CFAP54: variants seen among roughly 807,000 people sequenced by gnomAD.
The protein encoded by CFAP54 is cilia and flagella associated protein 54.
Under a neutral mutation model 370.4 loss-of-function variants are expected in CFAP54, and 290 were observed. The observed-to-expected ratio is 0.78, with a 90% CI of 0.71 to 0.86. The LOEUF is 0.86. Ranked by LOEUF, CFAP54 falls within the 40% of genes least tolerant of loss-of-function variation. The pLI, the probability that CFAP54 is intolerant of heterozygous loss-of-function variation, is 0.00. For synonymous variants in CFAP54, 1,206 were observed against 1,236.5 expected (o/e 0.98, Z 0.52); for missense variants, 3,399 against 3,528.7 (o/e 0.96, Z 0.93).
At chr12:96,699,273 C>T (rs1290927832) in intron 45 of CFAP54, among the ~76,000 whole-genome samples, 5 of 152,206 alleles carry the variant, frequency 3.3e-5, no homozygotes, top group African/African-American at 7.2e-5. Flanking sequence ...GGAGTAACCT[C>T]TGGTCCTTTT....
intron 63 of CFAP54, among the ~76,000 whole-genome samples, chr12:96,795,788 C>T (rs956060363): frequency 2.3e-4 from 35 of 152,248 alleles, no homozygotes; most frequent in African/African-American, 8.2e-4. Flanking sequence ...CATTTGCCCC[C>T]TCCTCCAGAT....
chr12:96,825,730 T>C (rs1221369995), intron 65 of CFAP54, among the ~76,000 whole-genome samples: 5 of 125,330 alleles, frequency 4.0e-5, no homozygotes, highest in East Asian at 2.3e-4. Context: ...TAATATATTA[T>C]ATAAATATCA....
At chr12:96,638,213 G>A (rs1310931388) in intron 32 of CFAP54, among the ~76,000 whole-genome samples, 1 of 86,828 alleles carries the variant, frequency 1.2e-5, no homozygotes, top group African/African-American at 4.1e-5. Flanking sequence ...GCATGTGTGT[G>A]TGTGTGTGTG....
chr12:96,831,778 C>T (rs905698682), intron 66 of CFAP54, among the ~76,000 whole-genome samples: 3 of 152,128 alleles, frequency 2.0e-5, no homozygotes, highest in Non-Finnish European at 2.9e-5. Flanking sequence ...GTCACTGGTT[C>T]TTGAGTTGAA....
chr12:96,799,547 C>T lies in CFAP54; in HGVS notation c.8850+7048C>T, dbSNP rs535446662. Among the ~76,000 whole-genome samples the T allele has an allele frequency of 5.3e-5, 8 of 152,306 alleles. No individual in the cohort carries two copies. The South Asian group carries it at 1.7e-3, about 32-fold the overall frequency. On this transcript the variant is annotated intron_variant, in intron 63 of 67. Transcript: ENST00000524981. ...CCAGCACCATTTCTCACTTTGGCCC[C>T]TTCATTCTGCTACCTTAGGCTGGAA...
intron 45 of CFAP54, among the ~76,000 whole-genome samples, chr12:96,694,409 T>A (rs899551928): frequency 5.3e-5 from 8 of 152,046 alleles, no homozygotes; most frequent in African/African-American, 1.9e-4. Flanking sequence ...ACGTGGATAA[T>A]CTCAATATCC....
At chr12:96,517,475 G>A (rs989096545) in intron 5 of CFAP54, among the ~76,000 whole-genome samples, 8 of 152,164 alleles carry the variant, frequency 5.3e-5, no homozygotes, top group African/African-American at 1.9e-4. Context: ...TGAATTTAAA[G>A]GGGAAATTTA....
chr12:96,733,840 C>G (rs530874318), intron 50 of CFAP54, among the ~76,000 whole-genome samples: 1 of 152,210 alleles, frequency 6.6e-6, no homozygotes, highest in South Asian at 2.1e-4. Context: ...AAACCTCATA[C>G]CTTGTTTCTC....
intron 36 of CFAP54, 129 bp downstream of exon 36, chr12:96,651,944 A>G: frequency 1.5e-6 from 1 of 649,668 alleles, no homozygotes. Flanking sequence ...TTTGCTTCTC[A>G]TTATAATTTT....
At chr12:96,547,064 T>A (rs978889117) in intron 14 of CFAP54, among the ~76,000 whole-genome samples, 1 of 152,222 alleles carries the variant, frequency 6.6e-6, no homozygotes, top group Non-Finnish European at 1.5e-5. Context: ...ATATAAATTC[T>A]TATAACTTCT....
intron 63 of CFAP54, among the ~76,000 whole-genome samples, chr12:96,808,743 T>G (rs1219538127): frequency 6.6e-6 from 1 of 152,140 alleles, no homozygotes; most frequent in Non-Finnish European, 1.5e-5. Context: ...CTATAAAAAA[T>G]GCAGACCAGA....
intron 32 of CFAP54, among the ~76,000 whole-genome samples, chr12:96,638,815 A>G (rs528589793): frequency 1.3e-5 from 2 of 152,204 alleles, no homozygotes; most frequent in African/African-American, 4.8e-5. Flanking sequence ...CCATCAATAC[A>G]GTGCTAAAAC....
At chr12:96,503,652 C>T (rs1230891323) in intron 2 of CFAP54, among the ~76,000 whole-genome samples, 1 of 152,082 alleles carries the variant, frequency 6.6e-6, no homozygotes, top group African/African-American at 2.4e-5. Flanking sequence ...TCCTTGTGGT[C>T]ATGATGGTCC....
Position 96,685,182 on chromosome 12 carries a change from A to G in CFAP54, c.5958A>G (p.Ser1986=), listed in dbSNP as rs1482239842. The stretch of plus-strand genomic sequence containing the variant: ...AAGACTACAGTGAGGAGTTTCTGTC[A>G]AGAGTTGGCATCTGGGGGTGTTTGC... ...GFKDYSEEFL[S]RVGIWGCLQG... is the part of the protein sequence containing the mutation. Residue 1986 remains serine (S), a synonymous_variant, in exon 42 of 68, where the codon TCA becomes TCG. Coordinates refer to ENST00000524981, the MANE Select transcript of CFAP54 (RefSeq NM_001306084.2). The G allele has an allele frequency of 1.2e-6, 2 of 1,614,130 alleles. No individual in the cohort carries two copies. The highest frequency in any genetic ancestry group is 1.7e-6 in the Non-Finnish European group (2 of 1,180,012).
rs1302981015 is a variant in CFAP54 at position 96,592,638 on chromosome 12, G to A, written c.3360+1G>A. 12 of 1,084,228 alleles carry A rather than the reference G, an allele frequency of 1.1e-5. No individual in the cohort carries two copies. The highest frequency in any genetic ancestry group is 2.1e-5 in the South Asian group (1 of 46,992). The allele number at this position is 1,084,228 out of a possible 1,614,324, so 67.2% of individuals were successfully genotyped here. On this transcript the variant is annotated splice_donor_variant, in intron 24 of 67. Transcript: ENST00000524981. LOFTEE classifies it high-confidence loss of function. ...CAATGAGATTTTCCCATCTCAACAA[G>A]TAAGTGAATTAAAGTGACTAAAAAC...
chr12:96,635,456 G>A (rs971330156), intron 32 of CFAP54, among the ~76,000 whole-genome samples: 1 of 152,198 alleles, frequency 6.6e-6, no homozygotes, highest in African/African-American at 2.4e-5. Flanking sequence ...ACCATGTGGT[G>A]TTTTCCAGCA....
chr12:96,671,750 C>A (rs899406093), intron 39 of CFAP54, among the ~76,000 whole-genome samples: 1 of 151,988 alleles, frequency 6.6e-6, no homozygotes. Context: ...GGTGAAACCC[C>A]GTCTCTACTA....
At chr12:96,654,429 A>T (rs1592690181) in intron 36 of CFAP54, among the ~76,000 whole-genome samples, 1 of 148,930 alleles carries the variant, frequency 6.7e-6, no homozygotes, top group African/African-American at 2.5e-5. Flanking sequence ...TGAACCCGGG[A>T]GGCGGAGCTT....
chr12:96,590,444 C>T (rs1956113589), intron 23 of CFAP54, among the ~76,000 whole-genome samples: 1 of 152,232 alleles, frequency 6.6e-6, no homozygotes, highest in Admixed American at 6.5e-5. Context: ...AAGAATCTCC[C>T]TCACCTGGTT....
Sources: allele counts gnomAD v4.1 joint callset (sites outside exome capture counted in the v4.1 genomes callset), GRCh38; gene constraint gnomAD v4.1.1; transcripts MANE v1.5; gene names NCBI Gene and HGNC (gene_info 2026-07-23, HGNC 2026-07-21).